The following FRY variants were observed in gnomAD, a reference collection of about 807,000 sequenced individuals.
The protein encoded by FRY is FRY microtubule binding protein, also known as protein furry homolog.
In FRY, 128 loss-of-function variants were observed where a neutral mutation model predicts 348.4. The observed-to-expected ratio is 0.37, with a 90% CI of 0.32 to 0.43. The LOEUF is 0.43. FRY is among the 20% of genes least tolerant of loss of function. The pLI, the probability that FRY is intolerant of heterozygous loss-of-function variation, is 1.00. For synonymous variants in FRY, 1,370 were observed against 1,374.7 expected (o/e 1.00, Z 0.08); for missense variants, 2,736 against 3,695.2 (o/e 0.74, Z 6.73).
At chr13:32,045,274 G>C (rs1461199247) in intron 1 of FRY, among the ~76,000 whole-genome samples, 1 of 152,206 alleles carries the variant, frequency 6.6e-6, no homozygotes, top group Admixed American at 6.5e-5. Context: ...GCTAAAACTT[G>C]TCTTGTTTTC....
chr13:32,111,929 C>A (rs564430849), intron 3 of FRY, among the ~76,000 whole-genome samples: 1 of 152,306 alleles, frequency 6.6e-6, no homozygotes, highest in Admixed American at 6.5e-5. Flanking sequence ...TGCTACCTTT[C>A]TCTCAAGGGT....
chr13:32,223,202 C>T (rs1345919851), intron 36 of FRY, among the ~76,000 whole-genome samples: 3 of 151,962 alleles, frequency 2.0e-5, no homozygotes, highest in African/African-American at 7.3e-5. Context: ...AAGTGATCTA[C>T]CCGCCTTGGC....
chr13:32,159,323 A>G (rs1160150664), intron 16 of FRY, among the ~76,000 whole-genome samples: 1 of 152,084 alleles, frequency 6.6e-6, no homozygotes, highest in Non-Finnish European at 1.5e-5. Context: ...CACAACACTA[A>G]TGGAACAGTC....
Position 32,179,747 on chromosome 13 carries a change from A to G in FRY, c.2944A>G (p.Ile982Val). The G allele has an allele frequency of 1.9e-6, 3 of 1,613,614 alleles. No homozygotes were observed. The highest frequency in any genetic ancestry group is 1.3e-5 in the African/African-American group (1 of 75,026). The change falls in exon 23 of 61, where the codon ATC (isoleucine) becomes GTC (valine). Residue 982 changes from isoleucine (I) to valine (V), a missense_variant. Coordinates refer to ENST00000542859, the MANE Select transcript of FRY (RefSeq NM_023037.3). ...VPLMRLESIE[I>V]TESLVLGFGR... ...TTTGATGAGACTAGAGAGCATTGAG[A>G]TCACAGAGTCCTTAGTTTTAGGATT...
At chr13:32,197,356 A>G (rs1883736486) in intron 29 of FRY, among the ~76,000 whole-genome samples, 1 of 152,208 alleles carries the variant, frequency 6.6e-6, no homozygotes, top group Non-Finnish European at 1.5e-5. Flanking sequence ...TCTATCAACA[A>G]GGAAGACAGG....
chr13:32,101,009 C>T (rs984438469), intron 2 of FRY, among the ~76,000 whole-genome samples: 6 of 152,150 alleles, frequency 3.9e-5, no homozygotes, highest in African/African-American at 1.4e-4. Context: ...GGCCATAGCA[C>T]AATACATTAT....
intron 1 of FRY, among the ~76,000 whole-genome samples, chr13:32,047,512 G>A (rs1053519426): frequency 4.0e-5 from 6 of 151,340 alleles, no homozygotes; most frequent in African/African-American, 7.3e-5. Flanking sequence ...AGGCATTAGC[G>A]TATGCTACAG....
intron 1 of FRY, among the ~76,000 whole-genome samples, chr13:32,059,277 TGAG>T (rs1873800105): frequency 6.6e-6 from 1 of 152,214 alleles, no homozygotes; most frequent in South Asian, 2.1e-4. Flanking sequence ...ACTGGAGACT[TGAG>T]GATGACAAAG....
intron 49 of FRY, among the ~76,000 whole-genome samples, chr13:32,250,425 C>T (rs905368457): frequency 1.2e-4 from 18 of 152,198 alleles, no homozygotes; most frequent in Admixed American, 1.2e-3. Flanking sequence ...TCCCCACCTT[C>T]CCTTCCCAAC....
Position 32,274,977 on chromosome 13 carries a change from GT to G in FRY, c.8273del (p.Val2758GlyfsTer20), listed in dbSNP as rs1291600845. The G allele has an allele frequency of 1.2e-6, 2 of 1,613,734 alleles. No homozygotes were observed. Among genetic ancestry groups the G allele is most frequent in the Non-Finnish European group, 1.7e-6 (2 of 1,179,874 alleles). On this transcript the variant is annotated frameshift_variant, in exon 56 of 61. Coordinates refer to ENST00000542859, the MANE Select transcript of FRY (RefSeq NM_023037.3). LOFTEE classifies it high-confidence loss of function. ...TSCSECPTLFVDAETLLSCGL... is the reference protein window; with the variant it reads ...TSCSECPTLFXDAETLLSCGL... ...CTGCTCTGAATGTCCTACACTTTTT[GT>G]GGATGCCGAGACTGTGAGTATCCCA...
chr13:32,140,635 C>A (rs77893350), intron 11 of FRY, among the ~76,000 whole-genome samples: 6,659 of 152,000 alleles, frequency 0.044, 159 homozygotes, highest in Non-Finnish European at 0.05. Context: ...TAAAGAAAAC[C>A]TAATAGATAT....
At chr13:32,058,719 G>A (rs1873773283) in intron 1 of FRY, among the ~76,000 whole-genome samples, 1 of 152,170 alleles carries the variant, frequency 6.6e-6, no homozygotes, top group Admixed American at 6.5e-5. Context: ...GAGGTGGAGG[G>A]CACCAAAGGT....
At chr13:32,210,225 T>C (rs1884608547) in intron 33 of FRY, among the ~76,000 whole-genome samples, 2 of 152,186 alleles carry the variant, frequency 1.3e-5, no homozygotes. Flanking sequence ...TTACAGTTGG[T>C]ATTTAAAAGT....
At chr13:32,170,394 A>T (rs1330488612) in intron 17 of FRY, among the ~76,000 whole-genome samples, 1 of 152,216 alleles carries the variant, frequency 6.6e-6, no homozygotes, top group Non-Finnish European at 1.5e-5. Flanking sequence ...TCATCTCAAT[A>T]TTAAGTTCTT....
chr13:32,155,473 C>T lies in FRY; in HGVS notation c.1480-18C>T. On this transcript the variant is annotated intron_variant, in intron 14 of 60. Coordinates refer to ENST00000542859, the MANE Select transcript of FRY (RefSeq NM_023037.3). ...AATTGGGCCTTTCCTTTTGTCATGA[C>T]AATATTGTCTCTTACAGAGAATGAA... 6.3e-7 allele frequency: 1 copy of T among 1,597,848 alleles called. No individual in the cohort carries two copies. Among genetic ancestry groups the T allele is most frequent in the Non-Finnish European group, 8.6e-7 (1 of 1,165,462 alleles).
At chr13:32,202,228 C>T in intron 30 of FRY, 128 bp from the exon 31 acceptor site, 1 of 858,700 alleles carries the variant, frequency 1.2e-6, no homozygotes, top group Non-Finnish European at 1.9e-6. Flanking sequence ...GATGTTTTAC[C>T]TTTAATTCTA....
chr13:32,112,668 T>G (rs1035172618), intron 3 of FRY, among the ~76,000 whole-genome samples: 1 of 152,254 alleles, frequency 6.6e-6, no homozygotes, highest in African/African-American at 2.4e-5. Context: ...AGTTAAGGTT[T>G]TCTTCCAGAT....
intron 3 of FRY, among the ~76,000 whole-genome samples, chr13:32,109,820 G>A (rs904395863): frequency 6.6e-6 from 1 of 152,160 alleles, no homozygotes; most frequent in Non-Finnish European, 1.5e-5. Context: ...TTATTATGTG[G>A]TCACTCAACA....
intron 41 of FRY, among the ~76,000 whole-genome samples, chr13:32,231,960 T>C (rs1885941434): frequency 6.6e-6 from 1 of 152,268 alleles, no homozygotes; most frequent in African/African-American, 2.4e-5. Flanking sequence ...TTCCAGCTGC[T>C]CTGGTAATTA....
Sources: gnomAD v4.1 joint callset for allele counts (sites outside exome capture counted in the v4.1 genomes callset) on GRCh38, gnomAD v4.1.1 for gene constraint, MANE v1.5 for transcripts, NCBI Gene and HGNC (gene_info 2026-07-23, HGNC 2026-07-21) for gene names.